The following RBFOX1 variants were observed in gnomAD, a reference collection of about 807,000 sequenced individuals.
RBFOX1 encodes RNA binding fox-1 homolog 1.
Under a neutral mutation model 57.7 loss-of-function variants are expected in RBFOX1, and 8 were observed. That is an observed-to-expected ratio of 0.14 (90% CI 0.08 to 0.25). The LOEUF (loss-of-function observed/expected upper bound fraction) is 0.25, where lower values mean the gene tolerates loss of function less well. Among genes scored for constraint, RBFOX1 ranks in the 10% least tolerant of loss-of-function variants. RBFOX1 has a pLI of 1.00. For synonymous variants in RBFOX1, 326 were observed against 222.4 expected (o/e 1.47, Z -4.15); for missense variants, 611 against 548.5 (o/e 1.11, Z -1.14).
At chr16:6,640,795 C>T (rs1031058914) in intron 2 of RBFOX1, among the ~76,000 whole-genome samples, 1 of 152,152 alleles carries the variant, frequency 6.6e-6, no homozygotes, top group South Asian at 2.1e-4. Flanking sequence ...GGCCTTGAAC[C>T]AGAATACGTT....
In RBFOX1 at chr16:7,610,002, G is replaced by A. The variant is rs28665635; in HGVS notation, c.676+2664G>A. Among the ~76,000 whole-genome samples the A allele has an allele frequency of 3.1e-3, 475 of 150,868 alleles. 1 individual carries two copies. The highest frequency in any genetic ancestry group is 0.011 in the African/African-American group (450 of 41,010). On this transcript the variant is annotated intron_variant, in intron 10 of 15. Transcript: ENST00000550418. ...CCGGCTAATTTTTGTATTTTTAGTG[G>A]AGATGGGGTTTCACCCTGTTAGCCA...
intron 3 of RBFOX1, among the ~76,000 whole-genome samples, chr16:6,814,981 TG>T (rs1297720208): frequency 1.3e-5 from 2 of 152,216 alleles, no homozygotes; most frequent in Non-Finnish European, 2.9e-5. Flanking sequence ...AGCAGTGGTA[TG>T]GGCCGCCCAG....
At chr16:6,981,045 A>AAAAAAAAAAC (rs1555711446) in intron 3 of RBFOX1, among the ~76,000 whole-genome samples, 1 of 150,694 alleles carries the variant, frequency 6.6e-6, no homozygotes, top group African/African-American at 2.5e-5. Flanking sequence ...TCAGTCTCAA[A>AAAAAAAAAAC]AAAAAAAAAA....
At chr16:5,509,383 G>A (rs1454512840) in intron 2 of RBFOX1, among the ~76,000 whole-genome samples, 2 of 152,184 alleles carry the variant, frequency 1.3e-5, no homozygotes, top group Admixed American at 6.5e-5. Context: ...CTCCACCACC[G>A]ACATCTCTTT....
chr16:6,501,737 C>T (rs2095937485), intron 2 of RBFOX1, among the ~76,000 whole-genome samples: 1 of 152,126 alleles, frequency 6.6e-6, no homozygotes, highest in African/African-American at 2.4e-5. Flanking sequence ...GGGCGCTGTG[C>T]TGGGTGCCAG....
chr16:5,628,199 A>G (rs1241296962), intron 3 of RBFOX1, among the ~76,000 whole-genome samples: 1 of 152,194 alleles, frequency 6.6e-6, no homozygotes, highest in Non-Finnish European at 1.5e-5. Context: ...CTATTGAGAA[A>G]TACATTGCAG....
chr16:7,341,622 G>A (rs1301832630), intron 4 of RBFOX1, among the ~76,000 whole-genome samples: 1 of 152,162 alleles, frequency 6.6e-6, no homozygotes, highest in African/African-American at 2.4e-5. Context: ...ACAGTCCAAA[G>A]AAGATGGCTT....
chr16:6,883,491 G>A (rs757682003), intron 3 of RBFOX1, among the ~76,000 whole-genome samples: 1 of 152,156 alleles, frequency 6.6e-6, no homozygotes, highest in East Asian at 1.9e-4. Flanking sequence ...ACACCCATCT[G>A]CAAGAATATT....
chr16:5,963,389 A>G (rs543363444), intron 4 of RBFOX1, among the ~76,000 whole-genome samples: 16 of 152,344 alleles, frequency 1.1e-4, no homozygotes, highest in African/African-American at 3.4e-4. Flanking sequence ...GGTTTAAACC[A>G]TCAGGTTGTA....
intron 1 of RBFOX1, among the ~76,000 whole-genome samples, chr16:6,307,031 G>T (rs956083231): frequency 1.3e-5 from 2 of 152,150 alleles, no homozygotes; most frequent in African/African-American, 4.8e-5. Context: ...TTTTAAAAAA[G>T]GAGAGGCAGA....
chr16:6,895,275 A>G (rs1445178501), intron 3 of RBFOX1, among the ~76,000 whole-genome samples: 3 of 151,672 alleles, frequency 2.0e-5, no homozygotes, highest in African/African-American at 4.8e-5. Flanking sequence ...CCTGATTCCC[A>G]GAATCCCCTG....
intron 4 of RBFOX1, among the ~76,000 whole-genome samples, chr16:7,194,280 A>G (rs1449246096): frequency 1.3e-5 from 2 of 152,200 alleles, no homozygotes; most frequent in East Asian, 3.8e-4. Context: ...TATTTATTTT[A>G]TGGCTACCTT....
intron 2 of RBFOX1, among the ~76,000 whole-genome samples, chr16:6,628,083 TTC>T (rs1478595672): frequency 4.6e-5 from 7 of 152,170 alleles, no homozygotes; most frequent in Non-Finnish European, 8.8e-5. Flanking sequence ...CCAGGCTCCC[TTC>T]TCTGTTCAGG....
intron 2 of RBFOX1, among the ~76,000 whole-genome samples, chr16:5,573,015 T>TGCATGTACAGA (rs2046335611): frequency 1.3e-5 from 2 of 152,110 alleles, no homozygotes; most frequent in South Asian, 4.1e-4. Flanking sequence ...CCCCAGCCAC[T>TGCATGTACAGA]GCATGTACAG....
chr16:7,034,720 G>C (rs1009980384), intron 3 of RBFOX1, among the ~76,000 whole-genome samples: 5 of 151,650 alleles, frequency 3.3e-5, no homozygotes, highest in African/African-American at 1.2e-4. Context: ...CCTCACATCA[G>C]TGCCCCTGTA....
chr16:7,082,937 C>A (rs1248365165), intron 4 of RBFOX1, among the ~76,000 whole-genome samples: 1 of 152,128 alleles, frequency 6.6e-6, no homozygotes, highest in Non-Finnish European at 1.5e-5. Flanking sequence ...AATGTTTCCA[C>A]TGTGAAAGCA....
chr16:7,164,470 G>A (rs909653916), intron 4 of RBFOX1, among the ~76,000 whole-genome samples: 3 of 152,062 alleles, frequency 2.0e-5, no homozygotes, highest in Admixed American at 6.6e-5. Context: ...TTTTCCTCTG[G>A]GTGAATAGCC....
At chr16:6,067,863 G>C (rs1269936340) in intron 1 of RBFOX1, among the ~76,000 whole-genome samples, 1 of 152,214 alleles carries the variant, frequency 6.6e-6, no homozygotes, top group African/African-American at 2.4e-5. Flanking sequence ...AAGCTTTCTA[G>C]ACACTTAAGC....
intron 3 of RBFOX1, among the ~76,000 whole-genome samples, chr16:5,749,970 C>T (rs2053132063): frequency 6.6e-6 from 1 of 152,178 alleles, no homozygotes; most frequent in African/African-American, 2.4e-5. Context: ...AGCTTTTCTG[C>T]TCTGTTTTTT....
Sources: gnomAD v4.1 joint callset for allele counts (sites outside exome capture counted in the v4.1 genomes callset) on GRCh38, gnomAD v4.1.1 for gene constraint, MANE v1.5 for transcripts, NCBI Gene and HGNC (gene_info 2026-07-23, HGNC 2026-07-21) for gene names.